ABCB5: variants seen among roughly 807,000 people sequenced by gnomAD.
ABCB5 encodes the protein ATP-binding cassette sub-family B member 5.
In ABCB5, 155 loss-of-function variants were observed where a neutral mutation model predicts 144.2. The ratio of observed to expected loss-of-function variants is 1.08; its 90% CI spans 0.94 to 1.23. The LOEUF is 1.23. Ranked by LOEUF, ABCB5 falls within the 50% of genes most tolerant of loss-of-function variation. The probability of loss-of-function intolerance (pLI) is 0.00; values close to 1 mark genes in which losing one functional copy is unlikely to be tolerated. For synonymous variants in ABCB5, 610 were observed against 528.6 expected (o/e 1.15, Z -2.11); for missense variants, 1,830 against 1,520.8 (o/e 1.20, Z -3.38).
At chr7:20,689,735 C>G (rs189865686) in intron 16 of ABCB5, among the ~76,000 whole-genome samples, 10 of 152,296 alleles carry the variant, frequency 6.6e-5, no homozygotes, top group Admixed American at 5.2e-4. Context: ...GGAAGAAAAA[C>G]CTCCTCCTGC....
At chr7:20,664,483 C>T (rs1785106838) in intron 14 of ABCB5, among the ~76,000 whole-genome samples, 1 of 152,048 alleles carries the variant, frequency 6.6e-6, no homozygotes, top group South Asian at 2.1e-4. Flanking sequence ...AATATTTTTC[C>T]ATGATATGGA....
chr7:20,649,158 A>C (rs901459966), intron 11 of ABCB5, among the ~76,000 whole-genome samples: 1 of 152,142 alleles, frequency 6.6e-6, no homozygotes, highest in African/African-American at 2.4e-5. Flanking sequence ...CCAGAAACCA[A>C]ATCTAGAGTA....
intron 15 of ABCB5, 131 bp downstream of exon 15, chr7:20,681,797 T>C (rs1785839467): frequency 9.9e-7 from 1 of 1,009,146 alleles, no homozygotes; most frequent in Non-Finnish European, 1.4e-6. Context: ...AGTTCCTCAG[T>C]AAAGAAATGG....
intron 14 of ABCB5, among the ~76,000 whole-genome samples, chr7:20,662,728 C>T (rs1010932362): frequency 4.0e-5 from 6 of 151,672 alleles, no homozygotes; most frequent in African/African-American, 1.2e-4. Context: ...ACATTTGTAG[C>T]GCTTGATGTT....
intron 14 of ABCB5, among the ~76,000 whole-genome samples, chr7:20,680,541 G>T (rs1453151059): frequency 6.7e-6 from 1 of 149,766 alleles, no homozygotes; most frequent in Non-Finnish European, 1.5e-5. Context: ...CTGCACTCCA[G>T]CCTGGGCGAC....
chr7:20,661,534 C>CTCTTTTTTTTTTT lies in ABCB5; in HGVS notation c.1707+2859_1707+2860insCTTTTTTTTTTTT, dbSNP rs1406657803. On this transcript the variant is annotated intron_variant, in intron 14 of 27. Transcript: ENST00000404938. ...TATTCTTTTTTGCTTTCTTTCTTTT[C>CTCTTTTTTTTTTT]TTTTTCTTTTTTTTTTTTTGAGACC... Among the ~76,000 whole-genome samples, 30 of 132,428 alleles carry CTCTTTTTTTTTTT rather than the reference C, an allele frequency of 2.3e-4. 1 individual carries two copies. The highest frequency in any genetic ancestry group is 1.1e-3 in the Admixed American group (15 of 13,498). The allele number at this position is 132,428 out of a possible 152,430, so 86.9% of individuals were successfully genotyped here.
intron 14 of ABCB5, among the ~76,000 whole-genome samples, chr7:20,677,118 T>A (rs1033475038): frequency 6.6e-6 from 1 of 152,232 alleles, no homozygotes. Context: ...TTCACTCCTA[T>A]ATCATTAGTC....
At chr7:20,641,255 A>G (rs1028727844) in intron 5 of ABCB5, among the ~76,000 whole-genome samples, 5 of 152,294 alleles carry the variant, frequency 3.3e-5, no homozygotes, top group East Asian at 3.9e-4. Flanking sequence ...CTAAGAAGTT[A>G]TTCTTGATTT....
intron 13 of ABCB5, among the ~76,000 whole-genome samples, chr7:20,653,786 T>C (rs979241665): frequency 1.3e-5 from 2 of 152,184 alleles, no homozygotes; most frequent in African/African-American, 4.8e-5. Flanking sequence ...TAAGACTACC[T>C]ACCCAAGGCT....
chr7:20,624,523 T>C (rs899157044), intron 2 of ABCB5, among the ~76,000 whole-genome samples: 5 of 152,128 alleles, frequency 3.3e-5, no homozygotes, highest in African/African-American at 1.2e-4. Flanking sequence ...TTTCCATGAC[T>C]GGAGAGAATA....
chr7:20,616,884 T>G (rs1277344907), intron 1 of ABCB5, among the ~76,000 whole-genome samples: 1 of 152,230 alleles, frequency 6.6e-6, no homozygotes, highest in East Asian at 1.9e-4. Context: ...TTGTGTCGCT[T>G]TGTCTCAGTG....
chr7:20,648,553 C>T (rs1784485346), intron 11 of ABCB5, among the ~76,000 whole-genome samples: 1 of 152,132 alleles, frequency 6.6e-6, no homozygotes, highest in Admixed American at 6.6e-5. Flanking sequence ...TTATCGTACT[C>T]CATCATTCAG....
At chr7:20,679,484 A>AG (rs1785720008) in intron 14 of ABCB5, among the ~76,000 whole-genome samples, 1 of 151,098 alleles carries the variant, frequency 6.6e-6, no homozygotes, top group African/African-American at 2.4e-5. Context: ...AAAAAAAAAA[A>AG]AAGAGAGAGA....
At chr7:20,639,693 G>A (rs948612053) in intron 5 of ABCB5, among the ~76,000 whole-genome samples, 14 of 152,134 alleles carry the variant, frequency 9.2e-5, no homozygotes, top group Admixed American at 2.6e-4. Flanking sequence ...AGGCTCTGTT[G>A]CAGTTATTGA....
chr7:20,659,626 G>A (rs1045409983), intron 14 of ABCB5: 57 of 988,758 alleles, frequency 5.8e-5, no homozygotes, highest in East Asian at 1.1e-4. Flanking sequence ...TGGACACTTC[G>A]GCAATTTGGT....
chr7:20,709,201 T>C (rs1357626789), intron 20 of ABCB5, among the ~76,000 whole-genome samples: 1 of 150,988 alleles, frequency 6.6e-6, no homozygotes, highest in East Asian at 2.0e-4. Context: ...CAATCAAACA[T>C]GATATAATTA....
chr7:20,753,463 T>G lies in ABCB5; in HGVS notation c.3533T>G (p.Leu1178Trp). ...RALLQKPKIL[L>W]LDEATSALDN... ...CTTCTCCAAAAACCCAAAATTTTAT[T>G]GTTGGATGAGGCCACTTCAGCCCTC... Residue 1178 changes from leucine (L) to tryptophan (W), a missense_variant, in exon 27 of 28, where the codon TTG becomes TGG. Leu to Trp is a moderately conservative substitution (Grantham distance 61). Transcript: ENST00000404938. 1 of 1,614,058 alleles carries G rather than the reference T, an allele frequency of 6.2e-7. No homozygotes were observed. Among genetic ancestry groups the G allele is most frequent in the Non-Finnish European group, 8.5e-7 (1 of 1,179,934 alleles).
chr7:20,751,495 A>T (rs987586104), intron 26 of ABCB5, among the ~76,000 whole-genome samples: 17 of 152,232 alleles, frequency 1.1e-4, no homozygotes, highest in Middle Eastern at 3.4e-3. Flanking sequence ...AATAAAATTT[A>T]AAAAAATTAA....
chr7:20,647,432 C>G (rs1205169552), intron 9 of ABCB5, 103 bp from the exon 10 acceptor site: 19 of 1,407,330 alleles, frequency 1.4e-5, no homozygotes, highest in Non-Finnish European at 1.7e-5. Context: ...CCTAATTCCT[C>G]TAATATCTCT....
Sources: gnomAD v4.1 joint callset for allele counts (sites outside exome capture counted in the v4.1 genomes callset) on GRCh38, gnomAD v4.1.1 for gene constraint, MANE v1.5 for transcripts, NCBI Gene and HGNC (gene_info 2026-07-23, HGNC 2026-07-21) for gene names.